Variants in YAP1 observed in about 807,000 individuals in gnomAD.
YAP1 encodes transcriptional coactivator YAP1.
YAP1 carries 5 observed loss-of-function variants against 56.9 expected under a neutral mutation model. The ratio of observed to expected loss-of-function variants is 0.09; its 90% CI spans 0.05 to 0.18. The LOEUF is 0.18. Among genes scored for constraint, YAP1 ranks in the 10% least tolerant of loss-of-function variants. The probability of loss-of-function intolerance (pLI) is 1.00; values close to 1 mark genes in which losing one functional copy is unlikely to be tolerated. For synonymous variants in YAP1, 265 were observed against 248.1 expected (o/e 1.07, Z -0.64); for missense variants, 539 against 651.8 (o/e 0.83, Z 1.88).
intron 6 of YAP1, among the ~76,000 whole-genome samples, chr11:102,222,006 G>A (rs868623054): frequency 1.4e-4 from 21 of 151,740 alleles, no homozygotes; most frequent in South Asian, 1.0e-3. Context: ...GTCATGGTCC[G>A]CTGGTTAAGA....
rs1950450531 is a variant in YAP1, at chr11:102,232,030, T to C, written c.*2090T>C. 1 of 152,558 alleles carries C rather than the reference T, an allele frequency of 6.6e-6. No homozygotes were observed. Among genetic ancestry groups the C allele is most frequent in the African/African-American group, 2.4e-5 (1 of 41,412 alleles). The allele number at this position is 152,558 out of a possible 1,614,324, so 9.5% of individuals were successfully genotyped here. On this transcript the variant is annotated 3_prime_UTR_variant, in exon 9 of 9. Coordinates refer to ENST00000282441, the MANE Select transcript of YAP1 (RefSeq NM_001130145.3). ...TTTTATTAAGAAAACAGCAGAAAGA[T>C]TAAATCTTGAATTAAGTCTGGGGGG...
chr11:102,205,520 C>T (rs2135593429), intron 4 of YAP1, among the ~76,000 whole-genome samples: 1 of 152,244 alleles, frequency 6.6e-6, no homozygotes, highest in East Asian at 1.9e-4. Context: ...TGCTTCTTAG[C>T]TATTCATCAA....
chr11:102,145,436 T>A (rs542248017), intron 2 of YAP1, among the ~76,000 whole-genome samples: 1 of 152,352 alleles, frequency 6.6e-6, no homozygotes, highest in Admixed American at 6.5e-5. Context: ...CCTCTGCTCC[T>A]GCCCCATAGA....
intron 2 of YAP1, among the ~76,000 whole-genome samples, chr11:102,115,515 A>G (rs528935306): frequency 1.3e-5 from 2 of 152,298 alleles, no homozygotes; most frequent in South Asian, 4.1e-4. Flanking sequence ...GACTTACAGA[A>G]GAGCAAAGGA....
chr11:102,186,163 CT>C, intron 4 of YAP1, 32 bp downstream of exon 4: 1 of 1,600,668 alleles, frequency 6.2e-7, no homozygotes, highest in Non-Finnish European at 8.5e-7. Context: ...TTTTTAGATG[CT>C]TTTGGTTGCT....
At chr11:102,175,355 G>A (rs1176707456) in intron 3 of YAP1, among the ~76,000 whole-genome samples, 3 of 152,024 alleles carry the variant, frequency 2.0e-5, no homozygotes, top group East Asian at 1.9e-4. Flanking sequence ...AGCCAAGATC[G>A]CGCCACTGCA....
At chr11:102,167,847 G>C (rs1263097341) in intron 3 of YAP1, among the ~76,000 whole-genome samples, 2 of 152,114 alleles carry the variant, frequency 1.3e-5, no homozygotes, top group Non-Finnish European at 2.9e-5. Context: ...AGACCAGCCT[G>C]GGCAACATAG....
Position 102,231,577 on chromosome 11 carries a change from T to C in YAP1, c.*1637T>C, listed in dbSNP as rs528042140. On this transcript the variant is annotated 3_prime_UTR_variant, in exon 9 of 9. Coordinates refer to ENST00000282441, the MANE Select transcript of YAP1 (RefSeq NM_001130145.3). The stretch of plus-strand genomic sequence containing the variant: ...AGGAAGAGATGATGTAACTAGAGTA[T>C]GTGTCTACAGGAGTAATAATGGTTT... 25 of 152,766 alleles carry C rather than the reference T, an allele frequency of 1.6e-4. No homozygotes were observed. Among genetic ancestry groups the C allele is most frequent in the African/African-American group, 5.8e-4 (24 of 41,580 alleles). 9.5% of individuals were successfully genotyped at this position (152,766 alleles called of 1,614,324 possible).
chr11:102,140,858 C>T (rs900024950), intron 2 of YAP1, among the ~76,000 whole-genome samples: 19 of 151,646 alleles, frequency 1.3e-4, no homozygotes, highest in Admixed American at 9.9e-4. Flanking sequence ...AAAAAAAAGA[C>T]ATCTTAATCC....
intron 2 of YAP1, among the ~76,000 whole-genome samples, chr11:102,150,895 G>C (rs752943354): frequency 1.4e-4 from 20 of 143,594 alleles, no homozygotes; most frequent in Non-Finnish European, 2.3e-4. Flanking sequence ...CTGCCTCCTA[G>C]GTTCAAGTGA....
intron 2 of YAP1, among the ~76,000 whole-genome samples, chr11:102,154,325 A>G (rs187192025): frequency 6.6e-6 from 1 of 152,180 alleles, no homozygotes; most frequent in African/African-American, 2.4e-5. Flanking sequence ...CTCTGTAAAC[A>G]TGTTAAATCC....
chr11:102,180,671 G>A (rs1382163043), intron 3 of YAP1, among the ~76,000 whole-genome samples: 8 of 103,470 alleles, frequency 7.7e-5, no homozygotes, highest in African/African-American at 3.2e-4. Flanking sequence ...GACTGAGCAA[G>A]ACTCCATCTC....
chr11:102,139,870 A>G (rs1389469636), intron 2 of YAP1, among the ~76,000 whole-genome samples: 1 of 151,900 alleles, frequency 6.6e-6, no homozygotes, highest in Non-Finnish European at 1.5e-5. Context: ...GGGTTTTGTG[A>G]GCTTTTTTTT....
chr11:102,183,622 A>T (rs1046829662), intron 3 of YAP1, among the ~76,000 whole-genome samples: 7 of 151,836 alleles, frequency 4.6e-5, no homozygotes, highest in Non-Finnish European at 1.0e-4. Flanking sequence ...TGAGTGGAGC[A>T]GGTAGGGAAG....
intron 2 of YAP1, among the ~76,000 whole-genome samples, chr11:102,150,302 G>T (rs1945563318): frequency 1.3e-5 from 2 of 152,074 alleles, no homozygotes; most frequent in African/African-American, 4.8e-5. Flanking sequence ...ACTTTGCACA[G>T]AAATTAGAAG....
chr11:102,169,703 A>G (rs1400914893), intron 3 of YAP1, among the ~76,000 whole-genome samples: 1 of 152,198 alleles, frequency 6.6e-6, no homozygotes, highest in East Asian at 1.9e-4. Flanking sequence ...AATTAAGAGA[A>G]ATGGCCCTAT....
chr11:102,217,051 A>G (rs948331643), intron 6 of YAP1, among the ~76,000 whole-genome samples: 1 of 152,200 alleles, frequency 6.6e-6, no homozygotes, highest in African/African-American at 2.4e-5. Context: ...TTTGTTCTGG[A>G]GGAAACTTTG....
intron 2 of YAP1, among the ~76,000 whole-genome samples, chr11:102,117,437 C>T (rs1164225422): frequency 6.6e-6 from 1 of 152,176 alleles, no homozygotes; most frequent in Non-Finnish European, 1.5e-5. Flanking sequence ...CATGAAGAAC[C>T]TGACTATAAA....
chr11:102,167,081 C>G (rs1026069272), intron 3 of YAP1, among the ~76,000 whole-genome samples: 1 of 152,144 alleles, frequency 6.6e-6, no homozygotes, highest in African/African-American at 2.4e-5. Context: ...ATGGTAGATA[C>G]TACATATAGC....
Sources: gnomAD v4.1 joint callset for allele counts (sites outside exome capture counted in the v4.1 genomes callset) on GRCh38, gnomAD v4.1.1 for gene constraint, MANE v1.5 for transcripts, NCBI Gene and HGNC (gene_info 2026-07-23, HGNC 2026-07-21) for gene names.